Variants in NKD1 observed in about 807,000 individuals in gnomAD.
NKD1 encodes NKD inhibitor of Wnt signaling pathway 1.
A neutral mutation model predicts 56.0 loss-of-function variants in NKD1; 21 were observed. The ratio of observed to expected loss-of-function variants is 0.38; its 90% CI spans 0.27 to 0.54. The LOEUF is 0.54. NKD1 is among the 20% of genes least tolerant of loss of function. The pLI is 0.82. For synonymous variants in NKD1, 263 were observed against 265.7 expected (o/e 0.99, Z 0.10); for missense variants, 578 against 642.7 (o/e 0.90, Z 1.09).
At chr16:50,627,020 A>G (rs1378262937) in intron 6 of NKD1, among the ~76,000 whole-genome samples, 1 of 152,102 alleles carries the variant, frequency 6.6e-6, no homozygotes, top group African/African-American at 2.4e-5. Flanking sequence ...CTGGGTTAAC[A>G]AGGTCACCTC....
chr16:50,593,519 A>G (rs1188369392), intron 3 of NKD1, among the ~76,000 whole-genome samples: 5 of 152,246 alleles, frequency 3.3e-5, no homozygotes, highest in Admixed American at 3.3e-4. Context: ...GAGAAAGAAG[A>G]TGTCCTGGGG....
intron 3 of NKD1, among the ~76,000 whole-genome samples, chr16:50,553,240 T>C (rs1042046582): frequency 2.6e-5 from 4 of 152,230 alleles, no homozygotes; most frequent in African/African-American, 9.6e-5. Context: ...TGGGAAACAC[T>C]TGGTGAAGAC....
At position 50,625,586 on chromosome 16, in the gene NKD1, T is replaced by C; in HGVS notation, c.462+6T>C. ...ACGGCAAGGTCACCCGAGAGGTGAG[T>C]GCACCTGCCTGGCCTCTTGCCGTGT... On this transcript the variant is annotated splice_donor_region_variant and intron_variant, in intron 6 of 9. Coordinates refer to ENST00000268459, the MANE Select transcript of NKD1 (RefSeq NM_033119.5). 1 of 1,584,764 alleles carries C rather than the reference T, an allele frequency of 6.3e-7. No individual in the cohort carries two copies. The highest frequency in any genetic ancestry group is 8.7e-7 in the Non-Finnish European group (1 of 1,153,492).
At chr16:50,628,563 A>G (rs975136087) in intron 6 of NKD1, among the ~76,000 whole-genome samples, 24 of 152,352 alleles carry the variant, frequency 1.6e-4, no homozygotes, top group Middle Eastern at 3.4e-3. Flanking sequence ...AAGTGACCAC[A>G]GCAGATACCC....
chr16:50,600,085 G>A (rs1961560759), intron 3 of NKD1, among the ~76,000 whole-genome samples: 1 of 152,112 alleles, frequency 6.6e-6, no homozygotes. Flanking sequence ...GACCACTGTG[G>A]GGGCCAGGGG....
chr16:50,616,147 CTG>C, intron 4 of NKD1: 1 of 448,906 alleles, frequency 2.2e-6, no homozygotes, highest in South Asian at 1.6e-5. Context: ...TGAGAAAGGA[CTG>C]TGGATATGTC....
intron 3 of NKD1, chr16:50,562,151 C>T (rs1460352105): frequency 6.0e-6 from 1 of 166,492 alleles, no homozygotes; most frequent in East Asian, 1.9e-4. Flanking sequence ...TCATTGAGCT[C>T]TCTGCAACTG....
intron 3 of NKD1, among the ~76,000 whole-genome samples, chr16:50,569,399 C>T (rs1055692994): frequency 7.9e-5 from 12 of 152,178 alleles, no homozygotes; most frequent in African/African-American, 2.2e-4. Context: ...TGGCTCTCTG[C>T]TTCCTTCTTC....
At chr16:50,588,406 C>A (rs1961275139) in intron 3 of NKD1, among the ~76,000 whole-genome samples, 1 of 152,140 alleles carries the variant, frequency 6.6e-6, no homozygotes, top group African/African-American at 2.4e-5. Flanking sequence ...GAGGCTATAG[C>A]TTTAATCCAT....
Position 50,633,586 on chromosome 16 carries a change from C to T in NKD1, c.1218C>T (p.Ala406=). 6.2e-7 allele frequency: 1 copy of T among 1,611,610 alleles called. No homozygotes were observed. The highest frequency in any genetic ancestry group is 8.5e-7 in the Non-Finnish European group (1 of 1,179,556). The change falls in exon 10 of 10, where the codon GCC becomes GCT. Residue 406 remains alanine (A), a synonymous_variant. Transcript: ENST00000268459. This position sits in a 1 kb window ranked among gnomAD's most constrained non-coding sequence, Gnocchi z 4.9. ...PLGHKKHKHR[A]KESQQGCRGL... is the part of the protein sequence containing the mutation. The stretch of plus-strand genomic sequence containing the variant: ...GGCACAAGAAGCACAAGCACCGAGC[C>T]AAGGAGAGCCAGCAGGGCTGCCGGG...
intron 3 of NKD1, chr16:50,557,468 A>G (rs904349274): frequency 6.6e-6 from 1 of 152,196 alleles, no homozygotes; most frequent in African/African-American, 2.4e-5. Context: ...TTAGAATCTC[A>G]TACTCTGTTT....
At chr16:50,609,274 G>A (rs1221085945) in intron 4 of NKD1, among the ~76,000 whole-genome samples, 2 of 152,258 alleles carry the variant, frequency 1.3e-5, no homozygotes, top group Admixed American at 6.5e-5. Context: ...CTATAGAATG[G>A]GAACAAGGGC....
intron 3 of NKD1, among the ~76,000 whole-genome samples, chr16:50,555,025 A>G (rs552485360): frequency 1.7e-4 from 26 of 152,264 alleles, no homozygotes; most frequent in Middle Eastern, 3.4e-3. Flanking sequence ...ATCCAGTCTG[A>G]TGAAGGGGAC....
chr16:50,591,851 T>C (rs1961374329), intron 3 of NKD1, among the ~76,000 whole-genome samples: 1 of 152,210 alleles, frequency 6.6e-6, no homozygotes, highest in Admixed American at 6.5e-5. Context: ...CTCCAGGTAA[T>C]TGACCTCAGG....
intron 8 of NKD1, among the ~76,000 whole-genome samples, chr16:50,631,189 T>C (rs1962336927): frequency 6.6e-6 from 1 of 152,218 alleles, no homozygotes; most frequent in African/African-American, 2.4e-5. Flanking sequence ...GACGTGTTGC[T>C]GTTTCTGCTG....
chr16:50,628,422 G>A (rs1422800888), intron 6 of NKD1, among the ~76,000 whole-genome samples: 1 of 151,716 alleles, frequency 6.6e-6, no homozygotes, highest in Non-Finnish European at 1.5e-5. Flanking sequence ...GGGACTTACA[G>A]GCAGGAGGTG....
intron 3 of NKD1, chr16:50,606,994 A>G (rs1304241524): frequency 1.1e-5 from 5 of 456,996 alleles, no homozygotes; most frequent in East Asian, 6.9e-5. Flanking sequence ...CAGCCAGTTT[A>G]CAAGCCCAGG....
intron 3 of NKD1, chr16:50,562,217 G>A (rs538028917): frequency 2.3e-5 from 15 of 650,010 alleles, no homozygotes; most frequent in African/African-American, 5.9e-5. Context: ...ACCCTGAGAC[G>A]CTGCTGAATG....
intron 3 of NKD1, among the ~76,000 whole-genome samples, chr16:50,578,538 C>G (rs1961038128): frequency 6.6e-6 from 1 of 152,174 alleles, no homozygotes; most frequent in Admixed American, 6.5e-5. Flanking sequence ...GATTCTGCCT[C>G]TTTTACTGTG....
Sources: allele counts gnomAD v4.1 joint callset (sites outside exome capture counted in the v4.1 genomes callset), GRCh38; gene constraint gnomAD v4.1.1; non-coding constraint Gnocchi (gnomAD v3.1); transcripts MANE v1.5; gene names NCBI Gene and HGNC (gene_info 2026-07-23, HGNC 2026-07-21).